The following SPINK2 variants were observed in gnomAD, a reference collection of about 807,000 sequenced individuals.
The protein encoded by SPINK2 is serine peptidase inhibitor Kazal type 2.
SPINK2 carries 8 observed loss-of-function variants against 13.5 expected under a neutral mutation model. That is an observed-to-expected ratio of 0.59 (90% confidence interval 0.35 to 1.07). The LOEUF is 1.07. Ranked by LOEUF, SPINK2 falls within the 50% of genes least tolerant of loss-of-function variation. The pLI is 0.02. For synonymous variants in SPINK2, 76 were observed against 74.7 expected (o/e 1.02, Z -0.09); for missense variants, 148 against 180.3 (o/e 0.82, Z 1.03).
Position 56,810,155 on chromosome 4 carries a change from C to T in SPINK2, c.389G>A (p.Arg130Gln), listed in dbSNP as rs143868606. ...REGGHNIKIIRNGPC is the reference protein window; with the variant it reads ...REGGHNIKIIQNGPC ...ACTGCTCCATCAGCAGGGTCCATTT[C>T]GAATGATTTTAATATTATGACCACC... Residue 130 changes from arginine (R) to glutamine (Q), a missense_variant, in exon 4 of 4, where the codon CGA becomes CAA. Coordinates refer to ENST00000506738, the MANE Select transcript of SPINK2 (RefSeq NM_001271718.2). 234 of 1,609,448 alleles carry T rather than the reference C, an allele frequency of 1.5e-4. No homozygotes were observed. Among genetic ancestry groups the T allele is most frequent in the African/African-American group, 2.4e-4 (18 of 74,756 alleles).
chr4:56,817,710 C>T (rs1462606070), intron 2 of SPINK2, among the ~76,000 whole-genome samples: 3 of 151,920 alleles, frequency 2.0e-5, no homozygotes, highest in African/African-American at 4.8e-5. Context: ...AGAAATTAGC[C>T]GAGCATGGCA....
chr4:56,820,446 G>T, intron 2 of SPINK2, 90 bp downstream of exon 2: 1 of 944,564 alleles, frequency 1.1e-6, no homozygotes, highest in African/African-American at 1.6e-5. Context: ...TTTCAAAAGT[G>T]GCAGGTCAGA....
intron 2 of SPINK2, 45 bp downstream of exon 2, chr4:56,820,491 G>A (rs812991): frequency 0.045 from 69,326 of 1,524,534 alleles, 2,545 homozygotes; most frequent in African/African-American, 0.19. Context: ...ACGGTTTTGG[G>A]CTTCACTGTA....
At chr4:56,821,375 G>C in intron 1 of SPINK2, 83 bp downstream of exon 1, 1 of 1,418,888 alleles carries the variant, frequency 7.0e-7, no homozygotes, top group Non-Finnish European at 9.2e-7. Flanking sequence ...CCTTAGAGCT[G>C]GGAGCGAAGC....
intron 2 of SPINK2, among the ~76,000 whole-genome samples, chr4:56,815,415 T>A (rs996601640): frequency 1.3e-5 from 2 of 152,034 alleles, no homozygotes; most frequent in African/African-American, 4.8e-5. Context: ...CTATCTCTAT[T>A]CAAAGATGAC....
intron 2 of SPINK2, among the ~76,000 whole-genome samples, chr4:56,813,616 G>A (rs1456525773): frequency 6.6e-6 from 1 of 151,482 alleles, no homozygotes; most frequent in Non-Finnish European, 1.5e-5. Context: ...CACTCCTTAT[G>A]AGACTTTTTT....
At chr4:56,821,757 AG>A (rs1717975158), upstream of SPINK2, 1 of 1,217,832 alleles carries the variant, frequency 8.2e-7, no homozygotes, top group Middle Eastern at 3.0e-4. Flanking sequence ...GGGCGGGGGA[AG>A]GGGCGGGGCG....
At chr4:56,810,407 A>T (rs756307015) in intron 3 of SPINK2, 5 of 511,516 alleles carry the variant, frequency 9.8e-6, no homozygotes, top group Non-Finnish European at 1.4e-5. Context: ...CTAACCCCAA[A>T]GAATCACTCA....
At chr4:56,811,936 T>TA in intron 2 of SPINK2, 142 bp from the exon 3 acceptor site, 118 of 305,034 alleles carry the variant, frequency 3.9e-4, no homozygotes, top group Middle Eastern at 1.1e-3. Flanking sequence ...AAAAATTTTT[T>TA]CTTTTTTTTT....
intron 3 of SPINK2, among the ~76,000 whole-genome samples, chr4:56,811,052 A>C (rs1206168890): frequency 6.6e-6 from 1 of 152,212 alleles, no homozygotes; most frequent in African/African-American, 2.4e-5. Context: ...ATGCCCTTTG[A>C]ATTAAAAATA....
chr4:56,819,717 G>C (rs942515298), intron 2 of SPINK2, among the ~76,000 whole-genome samples: 4 of 151,376 alleles, frequency 2.6e-5, no homozygotes, highest in Non-Finnish European at 5.9e-5. Context: ...CCAGGTTCAA[G>C]TGATTCTCCT....
At chr4:56,814,685 G>C (rs993586095) in intron 2 of SPINK2, among the ~76,000 whole-genome samples, 2 of 152,046 alleles carry the variant, frequency 1.3e-5, no homozygotes, top group Non-Finnish European at 2.9e-5. Flanking sequence ...GAGGTGGCCA[G>C]GCGCGGTGGC....
At position 56,810,056 on chromosome 4, in the gene SPINK2, G is replaced by A; in HGVS notation, c.*83C>T. On this transcript the variant is annotated 3_prime_UTR_variant, in exon 4 of 4. Coordinates refer to ENST00000506738, the MANE Select transcript of SPINK2 (RefSeq NM_001271718.2). ...ACAAATCTCATGTAAAGAAACACAG[G>A]AAAAGAGAAAAAGGGGAAATGCAAT... is the stretch of plus-strand genomic sequence containing the variant. The A allele has an allele frequency of 6.5e-7, 1 of 1,539,574 alleles. No individual in the cohort carries two copies. The highest frequency in any genetic ancestry group is 2.2e-5 in the Admixed American group (1 of 45,976).
intron 1 of SPINK2, 62 bp from the exon 2 acceptor site, chr4:56,820,641 G>GTTTT: frequency 1.1e-5 from 12 of 1,075,470 alleles, no homozygotes; most frequent in South Asian, 3.2e-5. Flanking sequence ...TGTTCATGAA[G>GTTTT]TTTTTTTTTT....
At chr4:56,812,223 T>C (rs545142806) in intron 2 of SPINK2, among the ~76,000 whole-genome samples, 1 of 151,348 alleles carries the variant, frequency 6.6e-6, no homozygotes, top group Non-Finnish European at 1.5e-5. Flanking sequence ...AAAAATCAGA[T>C]ACAATGTTGG....
rs71194126 is a variant in SPINK2 at position 56,813,919 on chromosome 4, C to CTTT, written c.250-2128_250-2126dup. Among the ~76,000 whole-genome samples, 16 of 97,130 alleles carry CTTT rather than the reference C, an allele frequency of 1.6e-4. No individual in the cohort carries two copies. The South Asian group carries it at 2.5e-3, about 15-fold the overall frequency. 63.7% of individuals were successfully genotyped at this position (97,130 alleles called of 152,430 possible). ...CAGGCATGAGCCACTGCACCTGGCCCTTTTTTTTTTTTTTTTTTTTTTGAG... is the reference window on the plus strand; with the variant it reads ...CAGGCATGAGCCACTGCACCTGGCCCTTTTTTTTTTTTTTTTTTTTTTTTTGAG... On this transcript the variant is annotated intron_variant, in intron 2 of 3. Coordinates refer to ENST00000506738, the MANE Select transcript of SPINK2 (RefSeq NM_001271718.2).
At chr4:56,817,845 C>T (rs1717584187) in intron 2 of SPINK2, among the ~76,000 whole-genome samples, 1 of 148,496 alleles carries the variant, frequency 6.7e-6, no homozygotes, top group Admixed American at 6.7e-5. Context: ...AAGAGTGAAA[C>T]TCCATCTCAA....
chr4:56,817,062 C>T (rs1304072051), intron 2 of SPINK2, among the ~76,000 whole-genome samples: 2 of 151,680 alleles, frequency 1.3e-5, no homozygotes, highest in African/African-American at 2.4e-5. Context: ...ATTAGCTGGG[C>T]GTGGTGGCAC....
chr4:56,813,804 A>G (rs143452039), intron 2 of SPINK2, among the ~76,000 whole-genome samples: 9,589 of 151,758 alleles, frequency 0.063, 564 homozygotes, highest in South Asian at 0.29. Context: ...TTTTTAGTAG[A>G]AACAGGGTTT....
Sources: gnomAD v4.1 joint callset for allele counts (sites outside exome capture counted in the v4.1 genomes callset) on GRCh38, gnomAD v4.1.1 for gene constraint, MANE v1.5 for transcripts, NCBI Gene and HGNC (gene_info 2026-07-23, HGNC 2026-07-21) for gene names.